YME1L1: variants seen among roughly 807,000 people sequenced by gnomAD.
YME1L1 encodes ATP-dependent zinc metalloprotease YME1L1.
In YME1L1, 39 loss-of-function variants were observed where a neutral mutation model predicts 90.4. That is an observed-to-expected ratio of 0.43 (90% CI 0.33 to 0.56). The LOEUF (loss-of-function observed/expected upper bound fraction) is 0.56. YME1L1 is among the 20% of genes least tolerant of loss of function. The pLI, the probability that YME1L1 is intolerant of heterozygous loss-of-function variation, is 0.03. For synonymous variants in YME1L1, 284 were observed against 287.3 expected, an observed-to-expected ratio of 0.99 and a Z score of 0.12; for missense variants, 617 against 868.4, an observed-to-expected ratio of 0.71 and a Z score of 3.64.
intron 8 of YME1L1, among the ~76,000 whole-genome samples, chr10:27,129,063 G>T (rs2056949439): frequency 7.2e-6 from 1 of 138,256 alleles, no homozygotes; most frequent in Non-Finnish European, 1.5e-5. Flanking sequence ...TCCAGCCTGG[G>T]CAAGAGAGCA....
chr10:27,127,005 A>C (rs570233982), intron 8 of YME1L1, among the ~76,000 whole-genome samples: 70 of 152,312 alleles, frequency 4.6e-4, no homozygotes, highest in Admixed American at 3.5e-3. Flanking sequence ...TACTATCCCC[A>C]AAAAAATCAT....
chr10:27,133,533 A>C (rs1437288182), intron 7 of YME1L1, among the ~76,000 whole-genome samples: 2 of 152,206 alleles, frequency 1.3e-5, no homozygotes, highest in Non-Finnish European at 2.9e-5. Context: ...ATGAACACCA[A>C]TAGTTTTGGC....
chr10:27,119,540 G>A (rs2056845504), intron 13 of YME1L1, 91 bp from the exon 14 acceptor site: 2 of 1,392,548 alleles, frequency 1.4e-6, no homozygotes, highest in South Asian at 2.9e-5. Flanking sequence ...TGGGTGCGTT[G>A]GCTCATGCCT....
In YME1L1 at chr10:27,120,461, T is replaced by C. The variant is rs982286034; in HGVS notation, c.1385A>G (p.Tyr462Cys). 1.2e-6 allele frequency: 2 copies of C among 1,613,510 alleles called. No homozygotes were observed. Among genetic ancestry groups the C allele is most frequent in the South Asian group, 1.1e-5 (1 of 91,024 alleles). ...TTGATCAAACTTTATTTTATTGAGA[T>C]ACCATTTCAAAATTTCTGTTCGACC... ...VKGRTEILKWYLNKIKFDQSV... is the reference protein window; with the variant it reads ...VKGRTEILKWCLNKIKFDQSV... The change falls in exon 13 of 19, where the codon TAT becomes TGT. Residue 462 changes from tyrosine (Y) to cysteine (C), a missense_variant. By Grantham distance (194) the Tyr-to-Cys change is radical (BLOSUM62 -2). Coordinates refer to ENST00000376016, the MANE Select transcript of YME1L1 (RefSeq NM_014263.4).
chr10:27,131,402 T>C (rs1374056815), intron 8 of YME1L1, among the ~76,000 whole-genome samples: 1 of 152,200 alleles, frequency 6.6e-6, no homozygotes, highest in African/African-American at 2.4e-5. Flanking sequence ...TAAACTAGCA[T>C]TTATCCATTC....
rs117518425 is a variant in YME1L1 at position 27,111,962 on chromosome 10, A to T, written c.*15T>A. 4,234 of 1,613,908 alleles carry T rather than the reference A, an allele frequency of 2.6e-3. 7 individuals carry two copies. Among genetic ancestry groups the T allele is most frequent in the Non-Finnish European group, 3.4e-3 (4,033 of 1,179,940 alleles). On this transcript the variant is annotated 3_prime_UTR_variant, in exon 19 of 19. Coordinates refer to ENST00000376016, the MANE Select transcript of YME1L1 (RefSeq NM_014263.4). ...CTTGCAATAAAACCAGCAAGCATCC[A>T]TATCAAGAGAGTTATCATCTCACTT...
intron 7 of YME1L1, among the ~76,000 whole-genome samples, chr10:27,132,394 C>G (rs533059995): frequency 6.6e-6 from 1 of 152,056 alleles, no homozygotes; most frequent in South Asian, 2.1e-4. Context: ...CCACTACGCC[C>G]GGCTGGTCTT....
rs762820014 is a variant in YME1L1 at position 27,136,291 on chromosome 10, C to T, written c.525G>A (p.Ala175=). 8.1e-6 allele frequency: 13 copies of T among 1,611,622 alleles called. No individual in the cohort carries two copies. The highest frequency in any genetic ancestry group is 1.1e-5 in the Non-Finnish European group (13 of 1,179,240). The change falls in exon 5 of 19, where the codon GCG becomes GCA. Residue 175 remains alanine (A), a synonymous_variant. Coordinates refer to ENST00000376016, the MANE Select transcript of YME1L1 (RefSeq NM_014263.4). The stretch of plus-strand genomic sequence containing the variant: ...GTCTAATTACCTTCACGAATGATGG[C>T]GCTATATTCTGTGTTTCAGCTAATC... ...SERLAETQNI[A]PSFVKGFLLR... is the part of the protein sequence containing the mutation.
At chr10:27,139,878 T>C (rs1030006674) in intron 4 of YME1L1, among the ~76,000 whole-genome samples, 10 of 149,840 alleles carry the variant, frequency 6.7e-5, no homozygotes, top group African/African-American at 2.4e-5. Flanking sequence ...TGTTCCTTTT[T>C]TTATACTAAA....
At chr10:27,123,821 A>G (rs2056890691) in intron 9 of YME1L1, 122 bp from the exon 10 acceptor site, 4 of 1,027,024 alleles carry the variant, frequency 3.9e-6, no homozygotes, top group Non-Finnish European at 5.4e-6. Context: ...CCAATAACCA[A>G]TATTTTGAAA....
chr10:27,153,892 C>T (rs1382435968), intron 1 of YME1L1, among the ~76,000 whole-genome samples: 1 of 152,154 alleles, frequency 6.6e-6, no homozygotes, highest in African/African-American at 2.4e-5. Context: ...CAATGCCGGA[C>T]GGATTCTCTA....
intron 1 of YME1L1, among the ~76,000 whole-genome samples, chr10:27,150,105 C>CAA (rs199996869): frequency 6.7e-6 from 1 of 149,100 alleles, no homozygotes; most frequent in African/African-American, 2.5e-5. Context: ...AAAATGAAAA[C>CAA]AAAAAAAACA....
At chr10:27,123,729 A>G in intron 9 of YME1L1, 30 bp from the exon 10 acceptor site, 3 of 1,566,476 alleles carry the variant, frequency 1.9e-6, no homozygotes, top group Non-Finnish European at 8.6e-7. Context: ...AGAATGATTC[A>G]AAGTATTTTT....
At chr10:27,149,097 TCTC>T (rs1287954100) in intron 1 of YME1L1, 57 bp from the exon 2 acceptor site, 3 of 1,438,690 alleles carry the variant, frequency 2.1e-6, no homozygotes, top group African/African-American at 2.9e-5. Flanking sequence ...AACAGAACAA[TCTC>T]CTTTTTTTGT....
chr10:27,136,802 T>G (rs978606584), intron 4 of YME1L1, among the ~76,000 whole-genome samples: 2 of 151,978 alleles, frequency 1.3e-5, no homozygotes, highest in African/African-American at 2.4e-5. Flanking sequence ...TGCTGCTCAC[T>G]GCAACCTCCG....
chr10:27,150,121 G>C (rs1266388766), intron 1 of YME1L1, among the ~76,000 whole-genome samples: 1 of 151,528 alleles, frequency 6.6e-6, no homozygotes, highest in African/African-American at 2.4e-5. Flanking sequence ...AAACACTTGA[G>C]CCCAGGAAGT....
At chr10:27,133,889 T>G in intron 7 of YME1L1, 150 bp downstream of exon 7, 2 of 457,380 alleles carry the variant, frequency 4.4e-6, no homozygotes, top group African/African-American at 2.0e-5. Context: ...TCTAAAAATC[T>G]GGGAAACTAA....
At position 27,110,448 on chromosome 10, in the gene YME1L1, CTTAAA is replaced by C. The variant is rs1326919408; in HGVS notation, c.*1524_*1528del. 3 of 152,116 alleles carry C rather than the reference CTTAAA, an allele frequency of 2.0e-5. No individual in the cohort carries two copies. The highest frequency in any genetic ancestry group is 2.0e-4 in the Admixed American group (3 of 15,258). The allele number at this position is 152,116 out of a possible 1,614,324, so 9.4% of individuals were successfully genotyped here. On this transcript the variant is annotated 3_prime_UTR_variant, in exon 19 of 19. Coordinates refer to ENST00000376016, the MANE Select transcript of YME1L1 (RefSeq NM_014263.4). The stretch of plus-strand genomic sequence containing the variant: ...TTTTTTCAATGAAGACCATATACAG[CTTAAA>C]TTATTAGGAAATTGTAGATAATTTT...
At position 27,110,382 on chromosome 10, in the gene YME1L1, C is replaced by T. The variant is rs537009315; in HGVS notation, c.*1595G>A. 2.0e-5 allele frequency: 3 copies of T among 152,234 alleles called. No individual in the cohort carries two copies. Among genetic ancestry groups the T allele is most frequent in the African/African-American group, 7.2e-5 (3 of 41,554 alleles). The allele number at this position is 152,234 out of a possible 1,614,324, so 9.4% of individuals were successfully genotyped here. On this transcript the variant is annotated 3_prime_UTR_variant, in exon 19 of 19. Coordinates refer to ENST00000376016, the MANE Select transcript of YME1L1 (RefSeq NM_014263.4). ...GATTTAAGATTATCAACCAAAAGGTCAAGAATATAATGTAACAAGCTTCCT... is the reference window on the plus strand; with the variant it reads ...GATTTAAGATTATCAACCAAAAGGTTAAGAATATAATGTAACAAGCTTCCT...
Sources: gnomAD v4.1 joint callset for allele counts (sites outside exome capture counted in the v4.1 genomes callset) on GRCh38, gnomAD v4.1.1 for gene constraint, MANE v1.5 for transcripts, NCBI Gene and HGNC (gene_info 2026-07-23, HGNC 2026-07-21) for gene names.